Variants in EP300 observed in about 807,000 individuals in gnomAD.
The protein encoded by EP300 is histone acetyltransferase p300.
Under a neutral mutation model 264.0 loss-of-function variants are expected in EP300, and 31 were observed. The observed-to-expected ratio is 0.12, with a 90% confidence interval of 0.09 to 0.16. The LOEUF is 0.16. Among genes scored for constraint, EP300 ranks in the 10% least tolerant of loss-of-function variants. The pLI is 1.00. For synonymous variants in EP300, 1,340 were observed against 1,045.4 expected (o/e 1.28, Z -5.44); for missense variants, 2,766 against 3,052.9 (o/e 0.91, Z 2.21).
In EP300 at chr22:41,177,829, C is replaced by G; in HGVS notation, c.6118C>G (p.Pro2040Ala). ...QPGLGQVGISPLKPGTVSQQA... is the reference protein window; with the variant it reads ...QPGLGQVGISALKPGTVSQQA... ...AGGATTGGGCCAGGTAGGTATCAGC[C>G]CACTCAAACCAGGCACTGTGTCTCA... Residue 2040 changes from proline to alanine, a missense_variant, in exon 31 of 31, where the codon CCA becomes GCA. Coordinates refer to ENST00000263253, the MANE Select transcript of EP300 (RefSeq NM_001429.4). The G allele has an allele frequency of 1.2e-6, 2 of 1,614,098 alleles. No individual in the cohort carries two copies. Among genetic ancestry groups the G allele is most frequent in the Non-Finnish European group, 1.7e-6 (2 of 1,180,018 alleles).
intron 10 of EP300, among the ~76,000 whole-genome samples, chr22:41,144,811 ATTT>A (rs1569104912): frequency 6.6e-6 from 1 of 152,102 alleles, no homozygotes; most frequent in African/African-American, 2.4e-5. Context: ...TTGCGGTTTT[ATTT>A]TTAAACCATT....
chr22:41,169,244 A>G, intron 25 of EP300: 1 of 565,558 alleles, frequency 1.8e-6, no homozygotes, highest in Non-Finnish European at 3.1e-6. Flanking sequence ...ATAAAAACGT[A>G]TAGGGATCAC....
At chr22:41,095,085 C>A (rs1229887522) in intron 1 of EP300, among the ~76,000 whole-genome samples, 1 of 151,832 alleles carries the variant, frequency 6.6e-6, no homozygotes, top group African/African-American at 2.4e-5. Flanking sequence ...TTAACTTTAC[C>A]CCCCTCCCCA....
chr22:41,124,980 G>A (rs548367981), intron 2 of EP300, among the ~76,000 whole-genome samples: 7 of 151,762 alleles, frequency 4.6e-5, no homozygotes, highest in South Asian at 4.2e-4. Flanking sequence ...CTCTGTTGCC[G>A]AGGCTGGAGT....
At chr22:41,172,196 T>C (rs944008252) in intron 27 of EP300, among the ~76,000 whole-genome samples, 2 of 152,170 alleles carry the variant, frequency 1.3e-5, no homozygotes, top group African/African-American at 4.8e-5. Context: ...ATGGCATGCA[T>C]GATGGTGCTA....
intron 1 of EP300, 94 bp downstream of exon 1, chr22:41,093,192 C>G (rs1201445784): frequency 1.3e-5 from 16 of 1,224,042 alleles, no homozygotes; most frequent in Non-Finnish European, 1.7e-5. Flanking sequence ...TCCTCTCTCT[C>G]TAGTTCCCTG....
chr22:41,143,779 A>T (rs2058995885), intron 10 of EP300, among the ~76,000 whole-genome samples: 1 of 152,134 alleles, frequency 6.6e-6, no homozygotes. Flanking sequence ...GTTTCACACC[A>T]TGTTGGCCAA....
At chr22:41,143,885 G>A (rs2145729206) in intron 10 of EP300, among the ~76,000 whole-genome samples, 1 of 152,240 alleles carries the variant, frequency 6.6e-6, no homozygotes, top group Admixed American at 6.5e-5. Flanking sequence ...GGCCACGTTT[G>A]ATTTTTTTGT....
chr22:41,176,171 G>C (rs2145511607), intron 29 of EP300, 76 bp from the exon 30 acceptor site: 1 of 1,564,874 alleles, frequency 6.4e-7, no homozygotes, highest in Non-Finnish European at 8.7e-7. Context: ...AGTGAGCCAA[G>C]ATCACGCCAC....
chr22:41,131,859 A>G (rs1229375439), intron 6 of EP300, among the ~76,000 whole-genome samples: 1 of 152,182 alleles, frequency 6.6e-6, no homozygotes, highest in Non-Finnish European at 1.5e-5. Context: ...TCAGATTTGC[A>G]GAAATGAGAT....
intron 3 of EP300, among the ~76,000 whole-genome samples, chr22:41,126,635 AT>A (rs2145708865): frequency 7.1e-6 from 1 of 141,564 alleles, no homozygotes; most frequent in African/African-American, 2.6e-5. Context: ...TTGTGTCATT[AT>A]GTTTATGGAC....
Position 41,178,859 on chromosome 22 carries a change from C to CAAACCTCCA in EP300, c.7149_7157dup (p.Leu2385_His2386insGlnAsnLeu). 6.2e-7 allele frequency: 1 copy of CAAACCTCCA among 1,614,192 alleles called. No homozygotes were observed. Among genetic ancestry groups the CAAACCTCCA allele is most frequent in the Non-Finnish European group, 8.5e-7 (1 of 1,180,034 alleles). ...CAGCTTGCTAGCAATCCAGGCATGGCAAACCTCCATGGTGCAAGCGCCACG... is the reference window on the plus strand; with the variant it reads ...CAGCTTGCTAGCAATCCAGGCATGGCAAACCTCCAAAACCTCCATGGTGCAAGCGCCACG... On this transcript the variant is annotated inframe_insertion, in exon 31 of 31. Transcript: ENST00000263253.
At chr22:41,167,120 C>G (rs2059138908) in intron 23 of EP300, among the ~76,000 whole-genome samples, 1 of 152,250 alleles carries the variant, frequency 6.6e-6, no homozygotes, top group African/African-American at 2.4e-5. Flanking sequence ...GTCTTAGCCT[C>G]CAGTGTAGCT....
intron 1 of EP300, among the ~76,000 whole-genome samples, chr22:41,096,265 G>A (rs2058701076): frequency 6.6e-6 from 1 of 152,124 alleles, no homozygotes; most frequent in Admixed American, 6.6e-5. Flanking sequence ...ATCTTTTGGA[G>A]CTGTTTCTGA....
intron 24 of EP300, 37 bp from the exon 25 acceptor site, chr22:41,168,684 G>T: frequency 6.2e-7 from 1 of 1,614,232 alleles, no homozygotes; most frequent in Non-Finnish European, 8.5e-7. Context: ...GTCTGAATGA[G>T]TTATGTTGTG....
chr22:41,127,411 A>C, intron 3 of EP300, 76 bp from the exon 4 acceptor site: 2 of 1,589,118 alleles, frequency 1.3e-6, no homozygotes, highest in South Asian at 2.2e-5. Flanking sequence ...TTTTCATTGA[A>C]AATATCCACA....
intron 1 of EP300, chr22:41,108,051 G>A (rs2058767678): frequency 1.3e-5 from 2 of 151,924 alleles, no homozygotes; most frequent in South Asian, 2.1e-4. Flanking sequence ...GTTGCAAGGA[G>A]CAAACCACAA....
chr22:41,102,265 G>A (rs185970788), intron 1 of EP300, among the ~76,000 whole-genome samples: 23 of 152,156 alleles, frequency 1.5e-4, no homozygotes, highest in African/African-American at 5.5e-4. Flanking sequence ...CACGGAGTCT[G>A]GTGTGATCAG....
At chr22:41,112,803 C>T in intron 1 of EP300, among the ~76,000 whole-genome samples, 1 of 151,478 alleles carries the variant, frequency 6.6e-6, no homozygotes, top group Admixed American at 6.6e-5. Context: ...GGATATGGTG[C>T]TTTCTTTATG....
Sources: allele counts gnomAD v4.1 joint callset (sites outside exome capture counted in the v4.1 genomes callset), GRCh38; gene constraint gnomAD v4.1.1; transcripts MANE v1.5; gene names NCBI Gene and HGNC (gene_info 2026-07-23, HGNC 2026-07-21).